The following PIGF variants were observed in gnomAD, a reference collection of about 807,000 sequenced individuals.
The protein encoded by PIGF is phosphatidylinositol glycan anchor biosynthesis class F.
In PIGF, 23 loss-of-function variants were observed where a neutral mutation model predicts 26.0. The observed-to-expected ratio is 0.88, with a 90% CI of 0.64 to 1.25. The LOEUF is 1.25. Ranked by LOEUF, PIGF falls within the 50% of genes most tolerant of loss-of-function variation. PIGF has a pLI of 0.00. For missense variants in PIGF, 278 were observed against 249.9 expected (o/e 1.11, Z -0.76); for synonymous variants, 93 against 92.6 (o/e 1.00, Z -0.03).
chr2:46,591,426 TA>T, intron 5 of PIGF: 1 of 485,374 alleles, frequency 2.1e-6, no homozygotes, highest in Non-Finnish European at 2.7e-6. Context: ...TTTAATTTTC[TA>T]AATAAATATA....
chr2:46,585,493 A>C (rs1470279529), intron 5 of PIGF, among the ~76,000 whole-genome samples: 1 of 152,210 alleles, frequency 6.6e-6, no homozygotes, highest in Non-Finnish European at 1.5e-5. Flanking sequence ...TCTGAGCCTC[A>C]GTTTCCCCTA....
chr2:46,615,235 T>C (rs1002536616), intron 1 of PIGF, 50 bp from the exon 2 acceptor site: 1 of 761,662 alleles, frequency 1.3e-6, no homozygotes, highest in South Asian at 1.7e-5. Context: ...ACTTTTTCCA[T>C]TGTCTTAAAT....
intron 5 of PIGF, among the ~76,000 whole-genome samples, chr2:46,592,156 A>T (rs1412920446): frequency 1.3e-5 from 2 of 152,210 alleles, no homozygotes; most frequent in Non-Finnish European, 2.9e-5. Flanking sequence ...ATTAGAGGAC[A>T]GCCTGGGCAA....
At chr2:46,611,089 G>A (rs1670400213) in intron 4 of PIGF, among the ~76,000 whole-genome samples, 1 of 152,042 alleles carries the variant, frequency 6.6e-6, no homozygotes, top group Non-Finnish European at 1.5e-5. Flanking sequence ...CTGATGCTCT[G>A]TCCCTTTGAG....
chr2:46,611,671 G>A (rs561450337), intron 4 of PIGF, among the ~76,000 whole-genome samples: 1 of 152,240 alleles, frequency 6.6e-6, no homozygotes, highest in African/African-American at 2.4e-5. Context: ...TCATTTAAAT[G>A]ACTTTCAAGA....
rs1453953834 is a variant in PIGF at position 46,581,288 on chromosome 2, A to T, written c.*190T>A. 1.0e-6 allele frequency: 1 copy of T among 984,802 alleles called. No homozygotes were observed. Among genetic ancestry groups the T allele is most frequent in the Non-Finnish European group, 1.5e-6 (1 of 677,156 alleles). The allele number at this position is 984,802 out of a possible 1,614,324, so 61.0% of individuals were successfully genotyped here. On this transcript the variant is annotated 3_prime_UTR_variant, in exon 6 of 6. Transcript: ENST00000281382. ...TAAGCAGCATCTGAAGCCACAATCT[A>T]TTATAAATACTTTATTTCAACTAGA...
chr2:46,601,460 G>A (rs1489535222), intron 4 of PIGF, among the ~76,000 whole-genome samples: 1 of 152,054 alleles, frequency 6.6e-6, no homozygotes, highest in Non-Finnish European at 1.5e-5. Flanking sequence ...AACACTCATG[G>A]TTTAAATACA....
intron 1 of PIGF, chr2:46,616,619 C>G: frequency 6.4e-6 from 1 of 155,318 alleles, no homozygotes; most frequent in Admixed American, 6.3e-5. Flanking sequence ...CGAGCGGCAC[C>G]CAGAGGAGCC....
At chr2:46,611,615 A>T (rs1670421360) in intron 4 of PIGF, among the ~76,000 whole-genome samples, 1 of 151,946 alleles carries the variant, frequency 6.6e-6, no homozygotes, top group Non-Finnish European at 1.5e-5. Flanking sequence ...AGAATCAAAT[A>T]ACCTTCTGGC....
At chr2:46,613,906 G>C (rs768012641) in intron 2 of PIGF, 121 bp from the exon 3 acceptor site, 5 of 812,090 alleles carry the variant, frequency 6.2e-6, no homozygotes, top group Non-Finnish European at 9.8e-6. Context: ...AATGTTCTTG[G>C]GTATACTCAA....
chr2:46,597,504 C>T (rs962385855), intron 4 of PIGF, among the ~76,000 whole-genome samples: 1 of 152,130 alleles, frequency 6.6e-6, no homozygotes, highest in South Asian at 2.1e-4. Flanking sequence ...CGTCTGCCTC[C>T]TGGGCTCAAG....
rs753835708 is a variant in PIGF, at chr2:46,617,040, AG to A, written c.-93del. 205 of 605,816 alleles carry A rather than the reference AG, an allele frequency of 3.4e-4. No homozygotes were observed. The East Asian group carries it at 4.4e-3, about 13-fold the overall frequency. 37.5% of individuals were successfully genotyped at this position (605,816 alleles called of 1,614,324 possible). On this transcript the variant is annotated 5_prime_UTR_variant, in exon 1 of 6. Coordinates refer to ENST00000281382, the MANE Select transcript of PIGF (RefSeq NM_002643.4). The stretch of plus-strand genomic sequence containing the variant: ...TACCATCAGGTACGACGGGCGGCCC[AG>A]GCCCACGCGCAGGCGCAGGGCTGTG...
intron 4 of PIGF, among the ~76,000 whole-genome samples, chr2:46,610,341 C>T (rs917099868): frequency 6.6e-6 from 1 of 152,042 alleles, no homozygotes; most frequent in Non-Finnish European, 1.5e-5. Context: ...ATCACTAATC[C>T]AAAGTAATAA....
At chr2:46,607,968 G>A (rs927785317) in intron 4 of PIGF, among the ~76,000 whole-genome samples, 1 of 152,160 alleles carries the variant, frequency 6.6e-6, no homozygotes. Flanking sequence ...AAAGTGCTGG[G>A]ATTACAGGCA....
chr2:46,594,690 C>A (rs1428161561), intron 4 of PIGF, among the ~76,000 whole-genome samples: 1 of 151,860 alleles, frequency 6.6e-6, no homozygotes, highest in Non-Finnish European at 1.5e-5. Context: ...TGTGTGCCAT[C>A]ACACCAGGCT....
chr2:46,602,949 C>T (rs775641652), intron 4 of PIGF, among the ~76,000 whole-genome samples: 3 of 151,760 alleles, frequency 2.0e-5, no homozygotes, highest in Non-Finnish European at 3.0e-5. Flanking sequence ...ATGATATAAT[C>T]GTGTATTTGG....
At chr2:46,599,108 A>G (rs1049296677) in intron 4 of PIGF, among the ~76,000 whole-genome samples, 1 of 152,202 alleles carries the variant, frequency 6.6e-6, no homozygotes, top group Non-Finnish European at 1.5e-5. Flanking sequence ...ATGGTTTGAG[A>G]TGTAGGATTT....
intron 4 of PIGF, among the ~76,000 whole-genome samples, chr2:46,608,971 G>C (rs1472069982): frequency 6.6e-6 from 1 of 152,230 alleles, no homozygotes; most frequent in Non-Finnish European, 1.5e-5. Flanking sequence ...GTCTCTGGCT[G>C]CACTGGCCCC....
intron 4 of PIGF, among the ~76,000 whole-genome samples, chr2:46,596,501 A>C (rs923383469): frequency 2.0e-5 from 3 of 152,156 alleles, no homozygotes; most frequent in African/African-American, 7.2e-5. Context: ...TAAAAATTTC[A>C]TATTTATCAA....
Sources: gnomAD v4.1 joint callset for allele counts (sites outside exome capture counted in the v4.1 genomes callset) on GRCh38, gnomAD v4.1.1 for gene constraint, MANE v1.5 for transcripts, NCBI Gene and HGNC (gene_info 2026-07-23, HGNC 2026-07-21) for gene names.